The following RELN variants were observed in gnomAD, a reference collection of about 807,000 sequenced individuals.
RELN encodes the protein reelin.
In RELN, 108 loss-of-function variants were observed where a neutral mutation model predicts 427.6. The ratio of observed to expected loss-of-function variants is 0.25; its 90% CI spans 0.22 to 0.30. The LOEUF is 0.30. RELN is among the 10% of genes least tolerant of loss of function. The probability of loss-of-function intolerance (pLI) is 1.00; values close to 1 mark genes in which losing one functional copy is unlikely to be tolerated. For synonymous variants in RELN, 1,524 were observed against 1,513.4 expected (o/e 1.01, Z -0.16); for missense variants, 3,715 against 4,302.8 (o/e 0.86, Z 3.82).
chr7:103,613,558 T>C (rs1832011271), intron 20 of RELN, among the ~76,000 whole-genome samples: 1 of 152,220 alleles, frequency 6.6e-6, no homozygotes, highest in South Asian at 2.1e-4. Context: ...TCCTAGGGTC[T>C]TTTAAGTAGG....
intron 1 of RELN, among the ~76,000 whole-genome samples, chr7:103,941,850 T>C (rs1367197983): frequency 6.6e-6 from 1 of 152,078 alleles, no homozygotes; most frequent in Admixed American, 6.6e-5. Flanking sequence ...CGCAGAACAC[T>C]AGACCACTGT....
intron 3 of RELN, among the ~76,000 whole-genome samples, chr7:103,777,883 T>TCACACACACA (rs201873652): frequency 0.034 from 4,901 of 143,876 alleles, 140 homozygotes; most frequent in East Asian, 0.065. Flanking sequence ...TGTTATACCT[T>TCACACACACA]CACACACACA....
chr7:103,475,487 A>C (rs529838147), intron 64 of RELN, among the ~76,000 whole-genome samples: 1 of 152,346 alleles, frequency 6.6e-6, no homozygotes, highest in African/African-American at 2.4e-5. Flanking sequence ...AAGTTAAAGC[A>C]ATGAAAATTA....
rs1408994065 is a variant in RELN at position 103,985,578 on chromosome 7, C to T, written c.226+3553G>A. On this transcript the variant is annotated intron_variant, in intron 1 of 64. Coordinates refer to ENST00000428762, the MANE Select transcript of RELN (RefSeq NM_005045.4). ...TTCAGGGGCATCCAAGTCTTTCTAT[C>T]CCCATATCTATTATCTGGCTGTTCA... is the stretch of plus-strand genomic sequence containing the variant. Among the ~76,000 whole-genome samples the T allele has an allele frequency of 2.6e-5, 4 of 152,160 alleles. No individual in the cohort carries two copies. The East Asian group carries it at 7.7e-4, about 29-fold the overall frequency.
At chr7:103,889,992 C>T (rs957044973) in intron 2 of RELN, among the ~76,000 whole-genome samples, 2 of 152,066 alleles carry the variant, frequency 1.3e-5, no homozygotes, top group African/African-American at 4.8e-5. Flanking sequence ...CAAATGAATT[C>T]TTTTTTCAGT....
chr7:103,924,609 T>G (rs895651890), intron 1 of RELN, among the ~76,000 whole-genome samples: 6 of 152,070 alleles, frequency 3.9e-5, no homozygotes, highest in Non-Finnish European at 7.4e-5. Context: ...TGGAAAATGT[T>G]CTTTGCTGGC....
chr7:103,478,534 ATAAAAAT>A (rs1562838136), intron 63 of RELN, 140 bp from the exon 64 acceptor site: 3 of 675,664 alleles, frequency 4.4e-6, no homozygotes, highest in Non-Finnish European at 8.0e-6. Context: ...TCTTTTGAAA[ATAAAAAT>A]TAAAGAAGTT....
intron 48 of RELN, among the ~76,000 whole-genome samples, chr7:103,520,400 C>T (rs1380544865): frequency 6.6e-6 from 1 of 152,046 alleles, no homozygotes; most frequent in African/African-American, 2.4e-5. Context: ...CTCCGCCTCC[C>T]GAGTAGCTGG....
chr7:103,566,792 A>C (rs774257288), intron 31 of RELN, 33 bp from the exon 32 acceptor site: 1 of 1,600,794 alleles, frequency 6.2e-7, no homozygotes, highest in Admixed American at 1.7e-5. Context: ...AGTTATTTGG[A>C]CACTTTCCTA....
At chr7:103,515,652 C>T (rs929747247) in intron 49 of RELN, among the ~76,000 whole-genome samples, 1 of 152,194 alleles carries the variant, frequency 6.6e-6, no homozygotes, top group African/African-American at 2.4e-5. Context: ...AGAATGTGAA[C>T]AGATTCAAGT....
rs570252020 is a variant in RELN at position 103,929,432 on chromosome 7, A to G, written c.227-12247T>C. On this transcript the variant is annotated intron_variant, in intron 1 of 64. Coordinates refer to ENST00000428762, the MANE Select transcript of RELN (RefSeq NM_005045.4). ...ACTTTCCCACCACCAAAGTCACAGC[A>G]AACACTAAATTAGCAAATATTGAAC... Among the ~76,000 whole-genome samples, 359 of 152,330 alleles carry G rather than the reference A, an allele frequency of 2.4e-3. 2 individuals carry two copies. Among genetic ancestry groups the G allele is most frequent in the African/African-American group, 8.2e-3 (340 of 41,582 alleles).
At chr7:103,761,644 C>T (rs1791303046) in intron 4 of RELN, among the ~76,000 whole-genome samples, 2 of 151,712 alleles carry the variant, frequency 1.3e-5, no homozygotes, top group East Asian at 1.9e-4. Context: ...GGGGTAGAGA[C>T]AAGATCTTAC....
chr7:103,527,700 C>T (rs1002527095), intron 46 of RELN, among the ~76,000 whole-genome samples: 10 of 152,186 alleles, frequency 6.6e-5, no homozygotes, highest in African/African-American at 2.2e-4. Context: ...AGCCAAGACC[C>T]TTCCTTTATG....
In RELN at chr7:103,590,573, T is replaced by G. The variant is rs200007037; in HGVS notation, c.3913-745A>C. ...AGACTCCATCTCAACAATAAATAAATAAATAAATAAATAAATAAATAAATA... is the reference window on the plus strand; with the variant it reads ...AGACTCCATCTCAACAATAAATAAAGAAATAAATAAATAAATAAATAAATA... On this transcript the variant is annotated intron_variant, in intron 27 of 64. Transcript: ENST00000428762. Among the ~76,000 whole-genome samples the G allele has an allele frequency of 1.2e-4, 3 of 24,912 alleles. No homozygotes were observed. In the East Asian group the frequency reaches 5.3e-3, roughly 44 times the overall value. The allele number at this position is 24,912 out of a possible 152,430, so 16.3% of individuals were successfully genotyped here. A position where few individuals can be genotyped will look rare whatever the true frequency, so the allele number is the denominator to read the frequency against.
rs781298068 is a variant in RELN, at chr7:103,603,480, C to T, written c.3157G>A (p.Gly1053Arg). Residue 1053 changes from glycine to arginine, a missense_variant, in exon 24 of 65, where the codon GGG becomes AGG. Gly to Arg is a moderately radical substitution (Grantham distance 125). Coordinates refer to ENST00000428762, the MANE Select transcript of RELN (RefSeq NM_005045.4). The surrounding 1 kb of genome is among the most constrained non-coding windows in gnomAD (Gnocchi z 4.3). ...GGGTGGCATTCAGTGCCTTGGTACC[C>T]CTGGTCACACCTATGAGAGAGCAGG... is the stretch of plus-strand genomic sequence containing the variant. Reference protein sequence around the residue: ...CDHGICRCDQGYQGTECHPEA... With the variant: ...CDHGICRCDQRYQGTECHPEA... The T allele has an allele frequency of 1.2e-6, 2 of 1,613,596 alleles. No homozygotes were observed. Among genetic ancestry groups the T allele is most frequent in the East Asian group, 2.2e-5 (1 of 44,856 alleles).
chr7:103,724,148 C>T (rs955325871), intron 7 of RELN, among the ~76,000 whole-genome samples: 2 of 151,108 alleles, frequency 1.3e-5, no homozygotes, highest in African/African-American at 4.9e-5. Context: ...GTGGCAGAGG[C>T]AGTAGGTTGT....
Position 103,510,991 on chromosome 7 carries a change from G to C in RELN, c.8134C>G (p.Leu2712Val). 6.2e-7 allele frequency: 1 copy of C among 1,613,416 alleles called. No homozygotes were observed. Among genetic ancestry groups the C allele is most frequent in the Non-Finnish European group, 8.5e-7 (1 of 1,179,434 alleles). Reference sequence around the variant, plus strand: ...TCTACTGTACAATCATCATGGAATAGCCAGTGCTCATTCACTTAAAACAAA... The same window carrying C: ...TCTACTGTACAATCATCATGGAATACCCAGTGCTCATTCACTTAAAACAAA... ...EDKTSVNEHW[L>V]FHDDCTVERF... is the part of the protein sequence containing the mutation. Residue 2712 changes from leucine to valine, a missense_variant, in exon 51 of 65, where the codon CTA (leucine) becomes GTA (valine). Leu to Val is a conservative substitution (Grantham distance 32). Around this residue, in one of 4 missense-constraint regions of RELN, gnomAD observed 1,310 missense variants for 1,643.0 expected, o/e 0.80. Coordinates refer to ENST00000428762, the MANE Select transcript of RELN (RefSeq NM_005045.4).
intron 27 of RELN, among the ~76,000 whole-genome samples, chr7:103,592,032 T>C (rs1831427563): frequency 2.0e-5 from 3 of 152,188 alleles, no homozygotes. Flanking sequence ...GTATTCACTG[T>C]GTAGACCTCT....
chr7:103,494,771 A>T (rs1216598174), intron 57 of RELN, among the ~76,000 whole-genome samples: 2 of 152,264 alleles, frequency 1.3e-5, no homozygotes, highest in East Asian at 3.9e-4. Context: ...TTCAGTTTAA[A>T]ATATTTGAGA....
Sources: gnomAD v4.1 joint callset for allele counts (sites outside exome capture counted in the v4.1 genomes callset) on GRCh38, gnomAD v4.1.1 for gene constraint, gnomAD v4.1.1 regional missense constraint, Gnocchi (gnomAD v3.1) non-coding constraint, MANE v1.5 for transcripts, NCBI Gene and HGNC (gene_info 2026-07-23, HGNC 2026-07-21) for gene names.